FOXN3: variants seen among roughly 807,000 people sequenced by gnomAD.
The protein encoded by FOXN3 is forkhead box protein N3.
A neutral mutation model predicts 38.4 loss-of-function variants in FOXN3; 7 were observed. The ratio of observed to expected loss-of-function variants is 0.18; its 90% CI spans 0.10 to 0.34. The LOEUF (loss-of-function observed/expected upper bound fraction) is 0.34. Ranked by LOEUF, FOXN3 falls within the 10% of genes least tolerant of loss-of-function variation. FOXN3 has a pLI of 1.00. For synonymous variants in FOXN3, 230 were observed against 242.2 expected, an observed-to-expected ratio of 0.95 and a Z score of 0.47; for missense variants, 456 against 613.4, an observed-to-expected ratio of 0.74 and a Z score of 2.71.
chr14:89,364,613 T>C (rs190144193), intron 2 of FOXN3: 9 of 152,220 alleles, frequency 5.9e-5, no homozygotes, highest in Non-Finnish European at 8.8e-5. Flanking sequence ...GTCCTCTAAA[T>C]ATCAGATATG....
rs897780568 is a variant in FOXN3 at position 89,548,428 on chromosome 14, G to A, written c.-15+70600C>T. ...CTCTTGCTAATATAGCAGGGTAACA[G>A]AGACGGAAAAATCAAAGCGGTAGAT... On this transcript the variant is annotated intron_variant, in intron 1 of 6. Transcript: ENST00000345097. The surrounding 1 kb of genome is among the most constrained non-coding windows in gnomAD (Gnocchi z 4.8). Among the ~76,000 whole-genome samples the A allele has an allele frequency of 2.6e-5, 4 of 152,210 alleles. No individual in the cohort carries two copies. Among genetic ancestry groups the A allele is most frequent in the Non-Finnish European group, 5.9e-5 (4 of 68,038 alleles).
At chr14:89,408,562 T>C (rs1891452400) in intron 2 of FOXN3, among the ~76,000 whole-genome samples, 1 of 149,740 alleles carries the variant, frequency 6.7e-6, no homozygotes, top group South Asian at 2.1e-4. Context: ...CTGGGAATTG[T>C]TTTTTAAGTG....
intron 4 of FOXN3, among the ~76,000 whole-genome samples, chr14:89,244,145 G>A (rs1217461777): frequency 1.3e-5 from 2 of 152,158 alleles, no homozygotes; most frequent in African/African-American, 4.8e-5. Flanking sequence ...GAACTGAGGT[G>A]AAATCACCCC....
At chr14:89,198,254 A>G (rs1888148574) in intron 4 of FOXN3, among the ~76,000 whole-genome samples, 1 of 152,216 alleles carries the variant, frequency 6.6e-6, no homozygotes, top group Non-Finnish European at 1.5e-5. Flanking sequence ...CATAGTATTT[A>G]CATTGTATGA....
chr14:89,266,517 A>AT (rs1201150356), intron 4 of FOXN3, among the ~76,000 whole-genome samples: 1 of 152,140 alleles, frequency 6.6e-6, no homozygotes, highest in African/African-American at 2.4e-5. Flanking sequence ...AATTCAGTCC[A>AT]TAACAGTAAG....
At chr14:89,578,467 C>T (rs989784785) in intron 1 of FOXN3, among the ~76,000 whole-genome samples, 1 of 152,160 alleles carries the variant, frequency 6.6e-6, no homozygotes, top group East Asian at 1.9e-4. Context: ...GACTCTCCCC[C>T]TGAGCTCCAG....
At chr14:89,595,748 G>A (rs745999765) in intron 1 of FOXN3, among the ~76,000 whole-genome samples, 13 of 152,180 alleles carry the variant, frequency 8.5e-5, no homozygotes, top group East Asian at 3.9e-4. Flanking sequence ...AGTGGTGATA[G>A]ATGGCAGATT....
intron 3 of FOXN3, among the ~76,000 whole-genome samples, chr14:89,349,351 T>A (rs919607741): frequency 5.9e-5 from 9 of 152,270 alleles, no homozygotes; most frequent in African/African-American, 2.2e-4. Context: ...GAATAAAGTA[T>A]GCTTCCACTG....
At position 89,224,906 on chromosome 14, in the gene FOXN3, G is replaced by A. The variant is rs192519349; in HGVS notation, c.746-44100C>T. ...AGCACTTTGGGAGGCCGAGGCGGGC[G>A]GATCACGAGGTCAGGAGATCGAGAC... On this transcript the variant is annotated intron_variant, in intron 4 of 5. Transcript: ENST00000557258. Among the ~76,000 whole-genome samples, 1,184 of 152,028 alleles carry A rather than the reference G, an allele frequency of 7.8e-3. 10 individuals carry two copies. Among genetic ancestry groups the A allele is most frequent in the African/African-American group, 0.028 (1,144 of 41,464 alleles).
intron 4 of FOXN3, among the ~76,000 whole-genome samples, chr14:89,262,690 A>G (rs1363944980): frequency 6.6e-6 from 1 of 152,166 alleles, no homozygotes; most frequent in Non-Finnish European, 1.5e-5. Flanking sequence ...GTTCAGAAAC[A>G]CTCTCAAGAT....
rs1056298460 is a variant in FOXN3 at position 89,548,369 on chromosome 14, A to T, written c.-15+70659T>A. On this transcript the variant is annotated intron_variant, in intron 1 of 6. Transcript: ENST00000345097. The surrounding 1 kb of genome is among the most constrained non-coding windows in gnomAD (Gnocchi z 4.8). ...CTAGGCTACATATACGGTTATAAAG[A>T]TGTGCACATATCACAGCATTACTTA... Among the ~76,000 whole-genome samples, 1 of 152,202 alleles carries T rather than the reference A, an allele frequency of 6.6e-6. No individual in the cohort carries two copies. The highest frequency in any genetic ancestry group is 1.5e-5 in the Non-Finnish European group (1 of 68,034).
chr14:89,317,441 C>T (rs1029442667), intron 3 of FOXN3, among the ~76,000 whole-genome samples: 2 of 152,122 alleles, frequency 1.3e-5, no homozygotes, highest in Non-Finnish European at 2.9e-5. Flanking sequence ...ATCTAGACAC[C>T]CTGGAGGGAA....
chr14:89,207,300 C>T (rs1048277632), intron 4 of FOXN3, among the ~76,000 whole-genome samples: 4 of 151,932 alleles, frequency 2.6e-5, no homozygotes, highest in Non-Finnish European at 4.4e-5. Flanking sequence ...ACACATCCAT[C>T]AGTTACAACG....
In FOXN3 at chr14:89,217,560, T is replaced by C. The variant is rs148480238; in HGVS notation, c.746-36754A>G. On this transcript the variant is annotated intron_variant, in intron 4 of 5. Coordinates refer to ENST00000557258, the MANE Select transcript of FOXN3 (RefSeq NM_005197.4). ...GTTCTAATTCGCCATTTCATTCACTTGCTGTGTGCTTTTGGGCAACCCACT... is the reference window on the plus strand; with the variant it reads ...GTTCTAATTCGCCATTTCATTCACTCGCTGTGTGCTTTTGGGCAACCCACT... 2.1e-3 allele frequency among the ~76,000 whole-genome samples: 313 copies of C among 152,376 alleles called. 2 individuals are homozygous for C. The highest frequency in any genetic ancestry group is 7.2e-3 in the African/African-American group (301 of 41,584).
At chr14:89,252,308 G>A (rs1235565699) in intron 4 of FOXN3, among the ~76,000 whole-genome samples, 5 of 152,138 alleles carry the variant, frequency 3.3e-5, no homozygotes, top group Non-Finnish European at 4.4e-5. Context: ...TGGGTTTTTC[G>A]TTGCTGTTGG....
upstream of FOXN3, chr14:89,419,326 A>C (rs920216039): frequency 2.5e-5 from 10 of 404,170 alleles, no homozygotes; most frequent in African/African-American, 4.1e-5. Flanking sequence ...CCACCTTCTA[A>C]TTCCATAGAA....
At chr14:89,225,444 A>G (rs1855483169) in intron 4 of FOXN3, among the ~76,000 whole-genome samples, 1 of 151,376 alleles carries the variant, frequency 6.6e-6, no homozygotes, top group African/African-American at 2.4e-5. Flanking sequence ...CTCTACTAAA[A>G]GTACAAAAAA....
intron 3 of FOXN3, among the ~76,000 whole-genome samples, chr14:89,287,128 C>CAAA (rs1886653342): frequency 6.6e-6 from 1 of 152,050 alleles, no homozygotes; most frequent in South Asian, 2.1e-4. Context: ...TTCTAGACTG[C>CAAA]AAAAATCCCA....
intron 2 of FOXN3, among the ~76,000 whole-genome samples, chr14:89,389,988 G>C (rs963728173): frequency 2.6e-5 from 4 of 152,116 alleles, no homozygotes; most frequent in Non-Finnish European, 5.9e-5. Context: ...GGGAGGCCGA[G>C]GTGGGCAGAT....
Sources: allele counts gnomAD v4.1 joint callset (sites outside exome capture counted in the v4.1 genomes callset), GRCh38; gene constraint gnomAD v4.1.1; non-coding constraint Gnocchi (gnomAD v3.1); transcripts MANE v1.5; gene names NCBI Gene and HGNC (gene_info 2026-07-23, HGNC 2026-07-21).